Variants in SIGLEC10 observed in about 807,000 individuals in gnomAD.
SIGLEC10 encodes the protein sialic acid binding Ig like lectin 10.
In SIGLEC10, 45 loss-of-function variants were observed where a neutral mutation model predicts 68.3. The observed-to-expected ratio is 0.66, with a 90% CI of 0.52 to 0.84. SIGLEC10 has a LOEUF of 0.84. Ranked by LOEUF, SIGLEC10 falls within the 40% of genes least tolerant of loss-of-function variation. The pLI is 0.00. For synonymous variants in SIGLEC10, 379 were observed against 370.8 expected (o/e 1.02, Z -0.26); for missense variants, 789 against 883.1 (o/e 0.89, Z 1.35).
At chr19:51,412,165 TAAATA>T (rs1988074766) in intron 10 of SIGLEC10, among the ~76,000 whole-genome samples, 2 of 149,942 alleles carry the variant, frequency 1.3e-5, no homozygotes, top group Admixed American at 6.7e-5. Flanking sequence ...AAAATAAAAA[TAAATA>T]AAATAAAGAA....
In SIGLEC10 at chr19:51,417,274, GGT is replaced by G; in HGVS notation, c.227_228del (p.Asn76ThrfsTer37). 6.2e-7 allele frequency: 1 copy of G among 1,614,218 alleles called. No individual in the cohort carries two copies. The highest frequency in any genetic ancestry group is 8.5e-7 in the Non-Finnish European group (1 of 1,180,030). On this transcript the variant is annotated frameshift_variant, in exon 2 of 11. Transcript: ENST00000339313. LOFTEE classifies it high-confidence loss of function. The stretch of plus-strand genomic sequence containing the variant: ...CTCATTTCCACCTCTCGACTCTGGT[GGT>G]TTGTGGCCACAGGAGCACCCTTGGT... ...ETTKGAPVAT[N>X]HQSREVEMST... is the part of the protein sequence containing the mutation.
rs764465283 is a variant in SIGLEC10 at position 51,416,307 on chromosome 19, T to C, written c.754+3A>G. 6.2e-7 allele frequency: 1 copy of C among 1,614,086 alleles called. No homozygotes were observed. Among genetic ancestry groups the C allele is most frequent in the South Asian group, 1.1e-5 (1 of 91,072 alleles). ...CCAGCCCCAGCCCGACGGCCCTCAG[T>C]ACCTGGCGTGTTGTCACGTGAAATG... is the stretch of plus-strand genomic sequence containing the variant. On this transcript the variant is annotated splice_donor_region_variant and intron_variant, in intron 4 of 10. Coordinates refer to ENST00000339313, the MANE Select transcript of SIGLEC10 (RefSeq NM_033130.5).
At chr19:51,413,884 T>A in intron 9 of SIGLEC10, 61 bp from the exon 10 acceptor site, 1 of 1,307,622 alleles carries the variant, frequency 7.6e-7, no homozygotes, top group Non-Finnish European at 1.1e-6. Context: ...GACTGCCACG[T>A]TTACTACCTG....
At chr19:51,411,417 T>C (rs1988002078) in intron 10 of SIGLEC10, 46 bp from the exon 11 acceptor site, 1 of 1,606,886 alleles carries the variant, frequency 6.2e-7, no homozygotes, top group Non-Finnish European at 8.5e-7. Flanking sequence ...CAGCAAATAT[T>C]TGAGCACTTA....
In SIGLEC10 at chr19:51,417,122, T is replaced by C. The variant is rs1254300293; in HGVS notation, c.381A>G (p.Arg127=). ...FFRVERGSYV[R]YNFMNDGFFL... ...AGAACCCATCGTTCATGAAATTATA[T>C]CTCACATAGCTTCCTCTCTCCACCC... is the stretch of plus-strand genomic sequence containing the variant. The change falls in exon 2 of 11, where the codon AGA becomes AGG. Residue 127 remains arginine, a synonymous_variant. Coordinates refer to ENST00000339313, the MANE Select transcript of SIGLEC10 (RefSeq NM_033130.5). 6.2e-7 allele frequency: 1 copy of C among 1,614,172 alleles called. No homozygotes were observed. The highest frequency in any genetic ancestry group is 2.2e-5 in the East Asian group (1 of 44,884).
At position 51,415,557 on chromosome 19, in the gene SIGLEC10, C is replaced by T. The variant is rs764333906; in HGVS notation, c.1072+11G>A. On this transcript the variant is annotated intron_variant, in intron 6 of 10. Coordinates refer to ENST00000339313, the MANE Select transcript of SIGLEC10 (RefSeq NM_033130.5). ...ACTGAGAGGCCTTGGCTCCTCTGTC[C>T]CCTTTCCTACCTGTCCTGTTTGCTT... 37 of 1,613,914 alleles carry T rather than the reference C, an allele frequency of 2.3e-5. No individual in the cohort carries two copies. Among genetic ancestry groups the T allele is most frequent in the Middle Eastern group, 1.6e-4 (1 of 6,080 alleles).
Position 51,415,017 on chromosome 19 carries a change from CAG to C in SIGLEC10, c.1420_1421del (p.Leu474AlafsTer48). On this transcript the variant is annotated frameshift_variant, in exon 8 of 11. Transcript: ENST00000339313. LOFTEE classifies it high-confidence loss of function. The part of the protein sequence containing the change: ...CSSQASPAPS[L>X]RWWLGEELLE... ...GCAGCTCCTCCCCAAGCCACCAGCG[CAG>C]AGAGGGGGCCGGGCTGGCCTGGGAG... 1.2e-6 allele frequency: 2 copies of C among 1,611,178 alleles called. No homozygotes were observed. The highest frequency in any genetic ancestry group is 8.5e-7 in the Non-Finnish European group (1 of 1,179,272).
intron 10 of SIGLEC10, among the ~76,000 whole-genome samples, chr19:51,412,058 G>A (rs1194111258): frequency 3.3e-5 from 5 of 151,074 alleles, no homozygotes; most frequent in African/African-American, 7.3e-5. Flanking sequence ...CAGATGAATC[G>A]CTTGAACCAG....
Position 51,413,714 on chromosome 19 carries a change from G to T in SIGLEC10, c.1819C>A (p.Leu607Met), listed in dbSNP as rs769577408. ...GGAAGCATGGCCCAGACACTCACCA[G>T]GGGGCCAGCCGTCGGGACCACATTG... ...YINVVPTAGP[L>M]AQKRNQKATP... Residue 607 changes from leucine to methionine, a missense_variant and splice_region_variant, in exon 10 of 11, where the codon CTG becomes ATG. Transcript: ENST00000339313. 9 of 1,613,348 alleles carry T rather than the reference G, an allele frequency of 5.6e-6. No homozygotes were observed. The highest frequency in any genetic ancestry group is 1.7e-5 in the Admixed American group (1 of 59,992).
At chr19:51,416,476 C>T in intron 3 of SIGLEC10, 119 bp from the exon 4 acceptor site, 1 of 1,603,234 alleles carries the variant, frequency 6.2e-7, no homozygotes, top group Non-Finnish European at 8.5e-7. Context: ...CAACCAGCGC[C>T]AGGGCTCACG....
In SIGLEC10 at chr19:51,415,409, G is replaced by C. The variant is rs1417574419; in HGVS notation, c.1102C>G (p.Leu368Val). The C allele has an allele frequency of 1.2e-6, 2 of 1,605,938 alleles. No individual in the cohort carries two copies. The highest frequency in any genetic ancestry group is 1.7e-6 in the Non-Finnish European group (2 of 1,175,398). Reference protein sequence around the residue: ...VLENLGNGTSLPVLEGQSLCL... With the variant: ...VLENLGNGTSVPVLEGQSLCL... ...AGGCTTTGGCCCTCCAGTACTGGGA[G>C]AGACGTGCCGTTCCCAAGGTTTTCC... Residue 368 changes from leucine (L) to valine (V), a missense_variant, in exon 7 of 11, where the codon CTC (leucine) becomes GTC (valine). Transcript: ENST00000339313.
In SIGLEC10 at chr19:51,415,425, A is replaced by G. The variant is rs1488862821; in HGVS notation, c.1086T>C (p.Leu362=). 10 of 1,605,344 alleles carry G rather than the reference A, an allele frequency of 6.2e-6. No individual in the cohort carries two copies. Among genetic ancestry groups the G allele is most frequent in the East Asian group, 4.5e-5 (2 of 44,726 alleles). ...SQANRTVLEN[L]GNGTSLPVLE... ...GTACTGGGAGAGACGTGCCGTTCCC[A>G]AGGTTTTCCAGGACTAGGGAAGGAA... Residue 362 remains leucine, a synonymous_variant, in exon 7 of 11, where the codon CTT becomes CTC. Transcript: ENST00000339313.
chr19:51,416,589 C>G, intron 3 of SIGLEC10, 77 bp downstream of exon 3: 1 of 1,601,260 alleles, frequency 6.2e-7, no homozygotes, highest in Admixed American at 1.7e-5. Flanking sequence ...GGGAGCCGCT[C>G]ACTGTCCCAC....
rs1987880062 is a variant in SIGLEC10 at position 51,410,117 on chromosome 19, A to T, written c.*982T>A. ...CTAGAGCTGCTGGTTGCCCACTTTT[A>T]TGGTTATTTCTTGCTTATTTGCTAA... On this transcript the variant is annotated 3_prime_UTR_variant, in exon 11 of 11. Transcript: ENST00000339313. 6.6e-6 allele frequency: 1 copy of T among 152,210 alleles called. No homozygotes were observed. Among genetic ancestry groups the T allele is most frequent in the East Asian group, 1.9e-4 (1 of 5,192 alleles). 9.4% of individuals were successfully genotyped at this position (152,210 alleles called of 1,614,324 possible). A position where few individuals can be genotyped will look rare whatever the true frequency, so the allele number is the denominator to read the frequency against.
In SIGLEC10 at chr19:51,410,877, G is replaced by A. The variant is rs1317543688; in HGVS notation, c.*222C>T. The A allele has an allele frequency of 1.1e-5, 5 of 471,662 alleles. No homozygotes were observed. Among genetic ancestry groups the A allele is most frequent in the Non-Finnish European group, 1.5e-5 (4 of 270,174 alleles). 29.2% of individuals were successfully genotyped at this position (471,662 alleles called of 1,614,324 possible). ...TTGGCCAGGCTGGTCTCGAACTCCC[G>A]ACCTCAGGCGATCTGCCCACCTCAA... On this transcript the variant is annotated 3_prime_UTR_variant, in exon 11 of 11. Coordinates refer to ENST00000339313, the MANE Select transcript of SIGLEC10 (RefSeq NM_033130.5).
Position 51,416,180 on chromosome 19 carries a change from G to GAAAAAAA in SIGLEC10, c.755-20_755-14dup. 1 of 1,346,360 alleles carries GAAAAAAA rather than the reference G, an allele frequency of 7.4e-7. No individual in the cohort carries two copies. Among genetic ancestry groups the GAAAAAAA allele is most frequent in the Non-Finnish European group, 1.0e-6 (1 of 977,316 alleles). 83.4% of individuals were successfully genotyped at this position (1,346,360 alleles called of 1,614,324 possible). The stretch of plus-strand genomic sequence containing the variant: ...TGGGGCTCCAGGGCTGGAGTGGGAG[G>GAAAAAAA]AAAAAAAAAAAAGAGAGAAAGGGAG... On this transcript the variant is annotated splice_polypyrimidine_tract_variant and intron_variant, in intron 4 of 10. Transcript: ENST00000339313.
At position 51,415,056 on chromosome 19, in the gene SIGLEC10, G is replaced by C. The variant is rs748555859; in HGVS notation, c.1383C>G (p.His461Gln). 17 of 1,594,232 alleles carry C rather than the reference G, an allele frequency of 1.1e-5. No individual in the cohort carries two copies. Among genetic ancestry groups the C allele is most frequent in the Admixed American group, 3.6e-5 (2 of 55,526 alleles). ...PSCSWEAEGLHCSCSSQASPA... is the reference protein window; with the variant it reads ...PSCSWEAEGLQCSCSSQASPA... ...GGCTGGCCTGGGAGGAGCAGCTGCAGTGCAGACCCTCAGCCTCCCAGGAGC... is the reference window on the plus strand; with the variant it reads ...GGCTGGCCTGGGAGGAGCAGCTGCACTGCAGACCCTCAGCCTCCCAGGAGC... The change falls in exon 8 of 11, where the codon CAC becomes CAG. Residue 461 changes from histidine to glutamine, a missense_variant. Coordinates refer to ENST00000339313, the MANE Select transcript of SIGLEC10 (RefSeq NM_033130.5).
intron 10 of SIGLEC10, among the ~76,000 whole-genome samples, chr19:51,411,908 TGAGGC>T (rs1353180824): frequency 6.6e-6 from 1 of 151,896 alleles, no homozygotes; most frequent in Non-Finnish European, 1.5e-5. Flanking sequence ...TTTGGGAGGC[TGAGGC>T]GGGTGGATCA....
At chr19:51,415,808 C>T in intron 5 of SIGLEC10, 90 bp downstream of exon 5, 1 of 1,589,448 alleles carries the variant, frequency 6.3e-7, no homozygotes. Flanking sequence ...GCCTGGGGCT[C>T]CAGGCCCCCT....
Sources: allele counts gnomAD v4.1 joint callset (sites outside exome capture counted in the v4.1 genomes callset), GRCh38; gene constraint gnomAD v4.1.1; transcripts MANE v1.5; gene names NCBI Gene and HGNC (gene_info 2026-07-23, HGNC 2026-07-21).